The following CNTNAP3B variants were observed in gnomAD, a reference collection of about 807,000 sequenced individuals.
CNTNAP3B encodes the protein contactin-associated protein-like 3B.
CNTNAP3B carries 25 observed loss-of-function variants against 108.9 expected under a neutral mutation model. The observed-to-expected ratio is 0.23, with a 90% CI of 0.17 to 0.32. The LOEUF (loss-of-function observed/expected upper bound fraction) is 0.32. Among genes scored for constraint, CNTNAP3B ranks in the 10% least tolerant of loss-of-function variants. The probability of loss-of-function intolerance (pLI) is 1.00; values close to 1 mark genes in which losing one functional copy is unlikely to be tolerated. For synonymous variants in CNTNAP3B, 103 were observed against 473.4 expected (o/e 0.22, Z 10.16); for missense variants, 252 against 1,210.4 (o/e 0.21, Z 11.75).
intron 3 of CNTNAP3B, among the ~76,000 whole-genome samples, chr9:42,038,861 AC>A (rs1241705636): frequency 7.6e-6 from 1 of 132,070 alleles, no homozygotes; most frequent in Non-Finnish European, 1.6e-5. Context: ...TCCAAAACTG[AC>A]CAGATAGTTT....
At chr9:41,964,756 T>A in intron 10 of CNTNAP3B, 112 bp from the exon 11 acceptor site, 1 of 1,390,146 alleles carries the variant, frequency 7.2e-7, no homozygotes. Context: ...TAACCCCACA[T>A]GACGTGATTA....
Position 41,917,404 on chromosome 9 carries a change from C to T in CNTNAP3B, c.2995+2666G>A, listed in dbSNP as rs1156870667. ...TACCACTAGCTTAAACTGATCCATG[C>T]TCTGTTCCAAATAGAAATCAGTTCA... On this transcript the variant is annotated intron_variant, in intron 18 of 23. Coordinates refer to ENST00000377561, the MANE Select transcript of CNTNAP3B (RefSeq NM_001201380.3). Among the ~76,000 whole-genome samples the T allele has an allele frequency of 1.8e-4, 25 of 140,958 alleles. 4 individuals carry two copies. The highest frequency in any genetic ancestry group is 5.9e-4 in the African/African-American group (21 of 35,752). 92.5% of individuals were successfully genotyped at this position (140,958 alleles called of 152,430 possible). A position where few individuals can be genotyped will look rare whatever the true frequency, so the allele number is the denominator to read the frequency against.
intron 1 of CNTNAP3B, among the ~76,000 whole-genome samples, chr9:42,121,951 T>C (rs1313709655): frequency 2.1e-5 from 3 of 140,040 alleles, no homozygotes; most frequent in Non-Finnish European, 4.6e-5. Context: ...GCAAACAGTA[T>C]GAGCATCAGC....
chr9:42,056,553 G>T lies in CNTNAP3B; in HGVS notation c.390+20316C>A, dbSNP rs1459147814. ...TTTTAGTAGAGGTGGGGTTTCACCG[G>T]GTTAGCCAGGATGGTCTTGATCTCC... On this transcript the variant is annotated intron_variant, in intron 3 of 23. Coordinates refer to ENST00000377561, the MANE Select transcript of CNTNAP3B (RefSeq NM_001201380.3). Among the ~76,000 whole-genome samples the T allele has an allele frequency of 3.6e-5, 5 of 137,228 alleles. 2 individuals are homozygous for T. Among genetic ancestry groups the T allele is most frequent in the Non-Finnish European group, 7.8e-5 (5 of 64,370 alleles). 90.0% of individuals were successfully genotyped at this position (137,228 alleles called of 152,430 possible). A position where few individuals can be genotyped will look rare whatever the true frequency, so the allele number is the denominator to read the frequency against.
At chr9:41,925,837 C>T (rs1181632534) in intron 15 of CNTNAP3B, among the ~76,000 whole-genome samples, 1 of 152,294 alleles carries the variant, frequency 6.6e-6, no homozygotes, top group Non-Finnish European at 1.5e-5. Context: ...CCAGGCTCAT[C>T]TTAAATTTTC....
chr9:42,079,837 A>G (rs1827575410), intron 2 of CNTNAP3B, among the ~76,000 whole-genome samples: 1 of 136,562 alleles, frequency 7.3e-6, no homozygotes, highest in Non-Finnish European at 1.6e-5. Flanking sequence ...TGGTTGTTTT[A>G]AAAGAGTTGG....
At chr9:42,116,588 A>G (rs1828322769) in intron 1 of CNTNAP3B, among the ~76,000 whole-genome samples, 1 of 139,348 alleles carries the variant, frequency 7.2e-6, no homozygotes, top group Non-Finnish European at 1.5e-5. Flanking sequence ...TGTAAAGACC[A>G]TCAAGGCTAG....
chr9:41,969,789 T>C (rs962185362), intron 10 of CNTNAP3B, among the ~76,000 whole-genome samples: 3 of 109,336 alleles, frequency 2.7e-5, no homozygotes, highest in Non-Finnish European at 3.8e-5. Context: ...GGCTAATTTT[T>C]TTTTTTCTGT....
intron 2 of CNTNAP3B, among the ~76,000 whole-genome samples, chr9:42,097,314 A>G (rs1178344453): frequency 7.1e-6 from 1 of 140,254 alleles, no homozygotes; most frequent in Non-Finnish European, 1.5e-5. Flanking sequence ...ATTTTCAAAC[A>G]TTCCTCCCGC....
intron 11 of CNTNAP3B, among the ~76,000 whole-genome samples, chr9:41,961,242 A>G (rs1386334595): frequency 6.6e-6 from 1 of 152,306 alleles, no homozygotes. Flanking sequence ...GGAATGCGAT[A>G]CTATCTTCAA....
In CNTNAP3B at chr9:42,129,140, G is replaced by A. The variant is rs761793189; in HGVS notation, c.-46C>T. The A allele has an allele frequency of 7.2e-6, 11 of 1,523,694 alleles. No individual in the cohort carries two copies. In the Admixed American group the frequency reaches 1.1e-4, roughly 15 times the overall value. The allele number at this position is 1,523,694 out of a possible 1,614,324, so 94.4% of individuals were successfully genotyped here. On this transcript the variant is annotated 5_prime_UTR_variant, in exon 1 of 24. Transcript: ENST00000377561. Reference sequence around the variant, plus strand: ...CTGAGACCCGGGCACGGCGACGGCCGCTCTGCGTCGTTCCTGCTCTCACTC... The same window carrying A: ...CTGAGACCCGGGCACGGCGACGGCCACTCTGCGTCGTTCCTGCTCTCACTC...
At chr9:41,968,889 C>A (rs1232425145) in intron 10 of CNTNAP3B, among the ~76,000 whole-genome samples, 9 of 152,006 alleles carry the variant, frequency 5.9e-5, no homozygotes, top group African/African-American at 2.2e-4. Context: ...CTCCGCCTCC[C>A]GGGTTCACGC....
chr9:42,028,711 G>A lies in CNTNAP3B; in HGVS notation c.391-15186C>T, dbSNP rs546348999. Among the ~76,000 whole-genome samples the A allele has an allele frequency of 2.5e-3, 372 of 150,080 alleles. 3 individuals carry two copies. Among genetic ancestry groups the A allele is most frequent in the Non-Finnish European group, 4.7e-3 (315 of 67,626 alleles). ...AATTTTTAAATATATTTTAGACTAC[G>A]TTAATAAGGGAAATATGTTGATTAT... On this transcript the variant is annotated intron_variant, in intron 3 of 23. Coordinates refer to ENST00000377561, the MANE Select transcript of CNTNAP3B (RefSeq NM_001201380.3).
rs1203870215 is a variant in CNTNAP3B at position 42,099,237 on chromosome 9, A to G, written c.196+5392T>C. ...AATATTGTCATCAACTCATAACCAA[A>G]TATCACAAATAGGCAGCATAATGGC... On this transcript the variant is annotated intron_variant, in intron 2 of 23. Coordinates refer to ENST00000377561, the MANE Select transcript of CNTNAP3B (RefSeq NM_001201380.3). Among the ~76,000 whole-genome samples, 2 of 123,506 alleles carry G rather than the reference A, an allele frequency of 1.6e-5. 1 individual carries two copies. Among genetic ancestry groups the G allele is most frequent in the African/African-American group, 6.5e-5 (2 of 30,606 alleles). 81.0% of individuals were successfully genotyped at this position (123,506 alleles called of 152,430 possible).
intron 17 of CNTNAP3B, among the ~76,000 whole-genome samples, chr9:41,921,627 C>CA (rs1299289376): frequency 6.6e-6 from 1 of 152,292 alleles, no homozygotes; most frequent in Non-Finnish European, 1.5e-5. Flanking sequence ...AGCAATATAG[C>CA]AAAATATATT....
In CNTNAP3B at chr9:42,120,486, G is replaced by A. The variant is rs1328572591; in HGVS notation, c.85+8524C>T. Among the ~76,000 whole-genome samples, 10 of 137,800 alleles carry A rather than the reference G, an allele frequency of 7.3e-5. 3 individuals are homozygous for A. The highest frequency in any genetic ancestry group is 1.2e-4 in the African/African-American group (4 of 34,440). 90.4% of individuals were successfully genotyped at this position (137,800 alleles called of 152,430 possible). On this transcript the variant is annotated intron_variant, in intron 1 of 23. Transcript: ENST00000377561. Reference sequence around the variant, plus strand: ...TCCCATTACTGGGTATATACCCAAAGGATTATAAATCATGCTGCTATAAAG... The same window carrying A: ...TCCCATTACTGGGTATATACCCAAAAGATTATAAATCATGCTGCTATAAAG...
At chr9:41,997,445 C>A in intron 6 of CNTNAP3B, 123 bp downstream of exon 6, 3 of 1,334,908 alleles carry the variant, frequency 2.2e-6, no homozygotes, top group Non-Finnish European at 3.1e-6. Context: ...TTCATAGTAC[C>A]GGGACAGACA....
In CNTNAP3B at chr9:42,012,247, G is replaced by A. The variant is rs542045217; in HGVS notation, c.538+1131C>T. Reference sequence around the variant, plus strand: ...GAAATTCTAAATATCAGACATCTTAGCCATTGAAACAGAGAGCACAGTTAT... The same window carrying A: ...GAAATTCTAAATATCAGACATCTTAACCATTGAAACAGAGAGCACAGTTAT... On this transcript the variant is annotated intron_variant, in intron 4 of 23. Transcript: ENST00000377561. Among the ~76,000 whole-genome samples the A allele has an allele frequency of 1.3e-4, 15 of 119,808 alleles. 3 individuals are homozygous for A. Among genetic ancestry groups the A allele is most frequent in the Non-Finnish European group, 2.4e-4 (14 of 57,418 alleles). The allele number at this position is 119,808 out of a possible 152,430, so 78.6% of individuals were successfully genotyped here.
At chr9:42,075,571 G>C (rs1236489151) in intron 3 of CNTNAP3B, among the ~76,000 whole-genome samples, 1 of 123,322 alleles carries the variant, frequency 8.1e-6, no homozygotes, top group Non-Finnish European at 1.7e-5. Context: ...AGCAAAATTG[G>C]CAAATGACAT....
Sources: gnomAD v4.1 joint callset for allele counts (sites outside exome capture counted in the v4.1 genomes callset) on GRCh38, gnomAD v4.1.1 for gene constraint, MANE v1.5 for transcripts, NCBI Gene and HGNC (gene_info 2026-07-23, HGNC 2026-07-21) for gene names.